Variants in NCKAP5 observed in about 807,000 individuals in gnomAD.
NCKAP5 encodes the protein nck-associated protein 5.
In NCKAP5, 92 loss-of-function variants were observed where a neutral mutation model predicts 167.0. The observed-to-expected ratio is 0.55, with a 90% confidence interval of 0.47 to 0.66. The LOEUF (loss-of-function observed/expected upper bound fraction) is 0.66. NCKAP5 is among the 30% of genes least tolerant of loss of function. The probability of loss-of-function intolerance (pLI) is 0.00; values close to 1 mark genes in which losing one functional copy is unlikely to be tolerated. For missense variants in NCKAP5, 2,378 were observed against 2,315.0 expected (o/e 1.03, Z -0.56); for synonymous variants, 891 against 877.4 (o/e 1.02, Z -0.27).
chr2:133,278,782 CAA>C (rs59725110), intron 4 of NCKAP5, among the ~76,000 whole-genome samples: 33 of 94,108 alleles, frequency 3.5e-4, no homozygotes, highest in East Asian at 1.5e-3. Flanking sequence ...CCCTAAACTA[CAA>C]AAAAAAAAAA....
At chr2:133,286,466 G>T (rs1679149448) in intron 4 of NCKAP5, among the ~76,000 whole-genome samples, 1 of 152,128 alleles carries the variant, frequency 6.6e-6, no homozygotes. Context: ...CTGAAATAAT[G>T]ACTTATATTC....
chr2:133,266,694 C>A (rs935220229), intron 4 of NCKAP5, among the ~76,000 whole-genome samples: 4 of 152,164 alleles, frequency 2.6e-5, no homozygotes, highest in African/African-American at 9.7e-5. Flanking sequence ...CACCGCAGCC[C>A]GGGCACCTCG....
intron 6 of NCKAP5, among the ~76,000 whole-genome samples, chr2:133,109,586 T>C (rs1421769380): frequency 6.6e-6 from 1 of 152,172 alleles, no homozygotes; most frequent in Non-Finnish European, 1.5e-5. Context: ...AGCTTAAAAA[T>C]CTAGGTTTCA....
chr2:133,239,912 T>C lies in NCKAP5; in HGVS notation c.144-26133A>G, dbSNP rs561433941. Among the ~76,000 whole-genome samples the C allele has an allele frequency of 1.9e-3, 293 of 152,330 alleles. 1 individual carries two copies. The highest frequency in any genetic ancestry group is 6.8e-3 in the African/African-American group (282 of 41,578). On this transcript the variant is annotated intron_variant, in intron 4 of 19. Coordinates refer to ENST00000409261, the MANE Select transcript of NCKAP5 (RefSeq NM_207363.3). ...CCATGCTTTAGCTTTAACTATTATA[T>C]GTAGGCAAATTACCAATGTCTGACT...
At chr2:133,673,183 C>T in the NCKAP5 span, among the ~76,000 whole-genome samples, 1 of 152,160 alleles carries the variant, frequency 6.6e-6, no homozygotes, top group Admixed American at 6.5e-5. Flanking sequence ...ATATAGTCCT[C>T]TGAGTCATTA....
intron 7 of NCKAP5, among the ~76,000 whole-genome samples, chr2:132,982,069 G>T (rs1254038174): frequency 6.6e-6 from 1 of 152,200 alleles, no homozygotes; most frequent in African/African-American, 2.4e-5. Context: ...ACTGGCCATA[G>T]AAGTACAGTA....
chr2:133,545,574 C>T (rs1686587477), intron 2 of NCKAP5, among the ~76,000 whole-genome samples: 5 of 152,080 alleles, frequency 3.3e-5, no homozygotes, highest in Admixed American at 2.6e-4. Context: ...GGGCAGGCTC[C>T]AAGTCGAATC....
intron 8 of NCKAP5, among the ~76,000 whole-genome samples, chr2:132,901,188 T>C (rs1410731423): frequency 6.6e-6 from 1 of 152,174 alleles, no homozygotes; most frequent in East Asian, 1.9e-4. Flanking sequence ...CTGTGCCCAA[T>C]TATTGGGAGA....
chr2:133,100,942 A>C (rs1440396968), intron 6 of NCKAP5, among the ~76,000 whole-genome samples: 2 of 152,124 alleles, frequency 1.3e-5, no homozygotes, highest in Non-Finnish European at 2.9e-5. Flanking sequence ...TTTTGTTGCC[A>C]TTGCTTTTGG....
At chr2:133,615,403 T>C in the NCKAP5 span, among the ~76,000 whole-genome samples, 1 of 151,718 alleles carries the variant, frequency 6.6e-6, no homozygotes, top group Non-Finnish European at 1.5e-5. Context: ...TTCAGGAAAC[T>C]CATCTCATGT....
Position 133,156,641 on chromosome 2 carries a change from A to G in NCKAP5, c.208-26530T>C, listed in dbSNP as rs183310966. Among the ~76,000 whole-genome samples the G allele has an allele frequency of 2.8e-3, 423 of 152,168 alleles. 2 individuals are homozygous for G. The highest frequency in any genetic ancestry group is 9.9e-3 in the African/African-American group (413 of 41,516). ...ATCTTCCACGACAATGCTTGTATCTATTCCTTCCCGTTTCCACAACTCTGC... is the reference window on the plus strand; with the variant it reads ...ATCTTCCACGACAATGCTTGTATCTGTTCCTTCCCGTTTCCACAACTCTGC... On this transcript the variant is annotated intron_variant, in intron 5 of 19. Coordinates refer to ENST00000409261, the MANE Select transcript of NCKAP5 (RefSeq NM_207363.3).
chr2:132,721,787 G>T (rs1689954200), intron 19 of NCKAP5, among the ~76,000 whole-genome samples: 1 of 152,200 alleles, frequency 6.6e-6, no homozygotes, highest in Non-Finnish European at 1.5e-5. Context: ...CTGACCTGTG[G>T]CTGTCAGGGT....
intron 16 of NCKAP5, among the ~76,000 whole-genome samples, chr2:132,755,386 T>C (rs1290077296): frequency 6.6e-6 from 1 of 152,212 alleles, no homozygotes; most frequent in Non-Finnish European, 1.5e-5. Context: ...ACTAAGTTCA[T>C]CCATCCTTAA....
chr2:133,498,480 AAGGCAGGCAGGCAGGC>A (rs60553398), intron 3 of NCKAP5, among the ~76,000 whole-genome samples: 18 of 101,804 alleles, frequency 1.8e-4, no homozygotes, highest in Middle Eastern at 4.6e-3. Flanking sequence ...GGAAGGAAGG[AAGGCAGGCAGGCAGGC>A]AGGCAGGCAG....
intron 6 of NCKAP5, among the ~76,000 whole-genome samples, chr2:133,071,679 T>C (rs970917373): frequency 6.6e-6 from 1 of 152,172 alleles, no homozygotes; most frequent in African/African-American, 2.4e-5. Context: ...TATTCCTAAG[T>C]AGAAAATAGA....
At chr2:132,902,969 G>C (rs181490101) in intron 8 of NCKAP5, among the ~76,000 whole-genome samples, 2 of 152,278 alleles carry the variant, frequency 1.3e-5, no homozygotes, top group Admixed American at 1.3e-4. Context: ...CACTTATGTA[G>C]GTGTGAATTC....
chr2:133,250,435 C>T (rs2088253346), intron 4 of NCKAP5, among the ~76,000 whole-genome samples: 1 of 151,996 alleles, frequency 6.6e-6, no homozygotes, highest in Admixed American at 6.6e-5. Flanking sequence ...GGTTCCTCTG[C>T]CTCATCCTGG....
At chr2:133,197,001 T>C (rs1389806284) in intron 5 of NCKAP5, among the ~76,000 whole-genome samples, 1 of 152,138 alleles carries the variant, frequency 6.6e-6, no homozygotes, top group African/African-American at 2.4e-5. Context: ...CTAATACCTT[T>C]TTCCCCCTCT....
intron 4 of NCKAP5, among the ~76,000 whole-genome samples, chr2:133,260,933 A>C (rs994676503): frequency 6.6e-6 from 1 of 152,180 alleles, no homozygotes. Flanking sequence ...ACTTGATACA[A>C]ATTAAATTAG....
Sources: allele counts gnomAD v4.1 joint callset (sites outside exome capture counted in the v4.1 genomes callset), GRCh38; gene constraint gnomAD v4.1.1; transcripts MANE v1.5; gene names NCBI Gene and HGNC (gene_info 2026-07-23, HGNC 2026-07-21).